The following PAK5 variants were observed in gnomAD, a reference collection of about 807,000 sequenced individuals.
PAK5 encodes the protein p21 (RAC1) activated kinase 5, also known as serine/threonine-protein kinase PAK 5.
A neutral mutation model predicts 65.9 loss-of-function variants in PAK5; 16 were observed. That is an observed-to-expected ratio of 0.24 (90% CI 0.16 to 0.37). PAK5 has a LOEUF of 0.37. Among genes scored for constraint, PAK5 ranks in the 10% least tolerant of loss-of-function variants. The pLI is 1.00. For missense variants in PAK5, 785 were observed against 903.9 expected (o/e 0.87, Z 1.69); for synonymous variants, 371 against 354.9 (o/e 1.05, Z -0.51).
At chr20:9,827,077 G>A (rs1289630510) in intron 1 of PAK5, among the ~76,000 whole-genome samples, 1 of 152,174 alleles carries the variant, frequency 6.6e-6, no homozygotes, top group Non-Finnish European at 1.5e-5. Context: ...GAAACAGGTA[G>A]AGGGTTTAAT....
intron 3 of PAK5, among the ~76,000 whole-genome samples, chr20:9,603,263 T>G (rs1023724317): frequency 2.0e-5 from 3 of 152,186 alleles, no homozygotes; most frequent in Non-Finnish European, 4.4e-5. Flanking sequence ...TGGGAAGTGT[T>G]TCTAGTTGGG....
In PAK5 at chr20:9,825,287, C is replaced by T. The variant is rs141826420; in HGVS notation, c.-162+13475G>A. Among the ~76,000 whole-genome samples, 307 of 152,292 alleles carry T rather than the reference C, an allele frequency of 2.0e-3. 2 individuals are homozygous for T. Among genetic ancestry groups the T allele is most frequent in the Non-Finnish European group, 2.2e-3 (147 of 68,026 alleles). ...GCAAATAAAAACTCTAGGGACAACTCTGGAATTTTCTATCTCACTTGTTTT... is the reference window on the plus strand; with the variant it reads ...GCAAATAAAAACTCTAGGGACAACTTTGGAATTTTCTATCTCACTTGTTTT... On this transcript the variant is annotated intron_variant, in intron 1 of 9. Transcript: ENST00000353224.
At chr20:9,614,801 C>T (rs1217184055) in intron 3 of PAK5, among the ~76,000 whole-genome samples, 1 of 152,188 alleles carries the variant, frequency 6.6e-6, no homozygotes, top group African/African-American at 2.4e-5. Flanking sequence ...TTGATGCTAG[C>T]AGATCTGCCT....
chr20:9,661,316 C>T (rs1420870394), intron 2 of PAK5, among the ~76,000 whole-genome samples: 1 of 152,086 alleles, frequency 6.6e-6, no homozygotes, highest in Non-Finnish European at 1.5e-5. Flanking sequence ...CTCAAGGATC[C>T]TCTGGCCTCC....
intron 1 of PAK5, among the ~76,000 whole-genome samples, chr20:9,819,454 T>C (rs1026835168): frequency 6.6e-6 from 1 of 152,182 alleles, no homozygotes. Context: ...TCCAGTAAAT[T>C]AGGGCCAACG....
rs576824890 is a variant in PAK5 at position 9,666,173 on chromosome 20, C to T, written c.-11-21834G>A. ...AGAATAACAGAAATGAGAAAGAATC[C>T]GATATAACTTTACAAAGATATTTAC... is the stretch of plus-strand genomic sequence containing the variant. On this transcript the variant is annotated intron_variant, in intron 2 of 9. Coordinates refer to ENST00000353224, the MANE Select transcript of PAK5 (RefSeq NM_177990.4). Among the ~76,000 whole-genome samples, 5 of 151,944 alleles carry T rather than the reference C, an allele frequency of 3.3e-5. No individual in the cohort carries two copies. In the East Asian group the frequency reaches 5.8e-4, roughly 18 times the overall value.
intron 2 of PAK5, among the ~76,000 whole-genome samples, chr20:9,648,337 G>A (rs950172250): frequency 6.6e-6 from 1 of 152,190 alleles, no homozygotes; most frequent in South Asian, 2.1e-4. Context: ...AACAACACAT[G>A]TAAAAAGCCA....
chr20:9,735,257 G>A (rs2048376103), intron 1 of PAK5, among the ~76,000 whole-genome samples: 1 of 152,140 alleles, frequency 6.6e-6, no homozygotes, highest in Non-Finnish European at 1.5e-5. Context: ...GAGTACCAGA[G>A]GGGAGAGCTG....
chr20:9,715,492 T>C (rs1253073983), intron 1 of PAK5, among the ~76,000 whole-genome samples: 1 of 152,186 alleles, frequency 6.6e-6, no homozygotes, highest in African/African-American at 2.4e-5. Context: ...GTGTGGTGAT[T>C]CCTCAGGGAT....
At chr20:9,785,054 G>A (rs1379024902) in intron 1 of PAK5, among the ~76,000 whole-genome samples, 1 of 150,370 alleles carries the variant, frequency 6.7e-6, no homozygotes, top group Admixed American at 6.7e-5. Context: ...GTATCTTTTG[G>A]CTTTTAAAAG....
chr20:9,830,157 C>G (rs1355176905), intron 1 of PAK5, among the ~76,000 whole-genome samples: 2 of 152,184 alleles, frequency 1.3e-5, no homozygotes, highest in African/African-American at 4.8e-5. Context: ...GCAGAGCCCT[C>G]TAATATACAG....
chr20:9,679,233 A>C (rs1312098747), intron 2 of PAK5, among the ~76,000 whole-genome samples: 3 of 152,224 alleles, frequency 2.0e-5, no homozygotes, highest in Non-Finnish European at 1.5e-5. Context: ...AGTATATAAT[A>C]CATACACCAT....
chr20:9,742,894 T>G (rs964394109), intron 1 of PAK5, among the ~76,000 whole-genome samples: 5 of 152,198 alleles, frequency 3.3e-5, no homozygotes, highest in African/African-American at 1.2e-4. Context: ...AGAACAGATC[T>G]TGTAAACACT....
intron 1 of PAK5, among the ~76,000 whole-genome samples, chr20:9,810,239 A>C (rs902079596): frequency 2.0e-5 from 3 of 152,184 alleles, no homozygotes; most frequent in Non-Finnish European, 4.4e-5. Context: ...TGACCCCAGC[A>C]TGCGCTTTTA....
chr20:9,718,904 G>A (rs370709052), intron 1 of PAK5, among the ~76,000 whole-genome samples: 2 of 152,140 alleles, frequency 1.3e-5, no homozygotes, highest in South Asian at 4.1e-4. Flanking sequence ...GGGTTTGACA[G>A]TGTAAAAGCC....
chr20:9,574,636 T>C (rs1221798209), intron 4 of PAK5, among the ~76,000 whole-genome samples: 1 of 152,186 alleles, frequency 6.6e-6, no homozygotes, highest in Non-Finnish European at 1.5e-5. Flanking sequence ...ATGACCAAAA[T>C]ACAATTTATT....
At chr20:9,684,511 C>T (rs1053401544) in intron 2 of PAK5, among the ~76,000 whole-genome samples, 2 of 152,172 alleles carry the variant, frequency 1.3e-5, no homozygotes, top group Non-Finnish European at 2.9e-5. Context: ...TGATAACTTG[C>T]CAGTTTTCTT....
chr20:9,618,919 T>TTTG (rs2046717883), intron 3 of PAK5, among the ~76,000 whole-genome samples: 1 of 85,760 alleles, frequency 1.2e-5, no homozygotes, highest in Non-Finnish European at 2.3e-5. Context: ...TCTTTCGTTT[T>TTTG]TTTTTTTTTT....
intron 2 of PAK5, among the ~76,000 whole-genome samples, chr20:9,695,474 T>C (rs1041511349): frequency 6.6e-6 from 1 of 152,074 alleles, no homozygotes; most frequent in Admixed American, 6.6e-5. Context: ...AGATTTACGA[T>C]CTATCTGAAA....
Sources: gnomAD v4.1 joint callset for allele counts (sites outside exome capture counted in the v4.1 genomes callset) on GRCh38, gnomAD v4.1.1 for gene constraint, MANE v1.5 for transcripts, NCBI Gene and HGNC (gene_info 2026-07-23, HGNC 2026-07-21) for gene names.